Variants in CNTN6 observed in about 807,000 individuals in gnomAD.
CNTN6 encodes the protein contactin 6.
A neutral mutation model predicts 122.8 loss-of-function variants in CNTN6; 137 were observed. The ratio of observed to expected loss-of-function variants is 1.12; its 90% confidence interval spans 0.97 to 1.29. The LOEUF is 1.29. Ranked by LOEUF, CNTN6 falls within the 50% of genes most tolerant of loss-of-function variation. The pLI is 0.00. For synonymous variants in CNTN6, 570 were observed against 426.0 expected (o/e 1.34, Z -4.16); for missense variants, 1,634 against 1,223.4 (o/e 1.34, Z -5.01).
intron 7 of CNTN6, 78 bp from the exon 8 acceptor site, chr3:1,321,572 T>C (rs1354918039): frequency 4.7e-6 from 6 of 1,279,538 alleles, no homozygotes; most frequent in Non-Finnish European, 1.1e-6. Flanking sequence ...TGAGAGTTAT[T>C]TGTATGGATG....
At chr3:1,271,308 C>A (rs148254240) in intron 4 of CNTN6, among the ~76,000 whole-genome samples, 1 of 152,154 alleles carries the variant, frequency 6.6e-6, no homozygotes, top group Non-Finnish European at 1.5e-5. Flanking sequence ...ATGAAAGCAG[C>A]GGGACATTTT....
At chr3:1,360,265 A>G (rs192025998) in intron 12 of CNTN6, among the ~76,000 whole-genome samples, 1 of 152,078 alleles carries the variant, frequency 6.6e-6, no homozygotes, top group East Asian at 1.9e-4. Flanking sequence ...GTTGTTTGTG[A>G]CACCTTTTCC....
At chr3:1,114,822 A>G (rs1333658775) in intron 1 of CNTN6, among the ~76,000 whole-genome samples, 2 of 152,192 alleles carry the variant, frequency 1.3e-5, no homozygotes, top group African/African-American at 2.4e-5. Flanking sequence ...TCAATGAAAC[A>G]TAGGAGAAAA....
At chr3:1,341,134 A>G (rs990296454) in intron 11 of CNTN6, among the ~76,000 whole-genome samples, 1 of 150,514 alleles carries the variant, frequency 6.6e-6, no homozygotes, top group African/African-American at 2.4e-5. Flanking sequence ...TCTCTCCTCT[A>G]TTGTATTTTC....
chr3:1,252,232 C>G (rs1421469503), intron 4 of CNTN6, among the ~76,000 whole-genome samples: 1 of 152,134 alleles, frequency 6.6e-6, no homozygotes, highest in Non-Finnish European at 1.5e-5. Flanking sequence ...TTATCTCTTC[C>G]TACATCCAAC....
intron 20 of CNTN6, among the ~76,000 whole-genome samples, chr3:1,399,816 TG>T (rs1237865591): frequency 6.6e-6 from 1 of 152,112 alleles, no homozygotes; most frequent in African/African-American, 2.4e-5. Flanking sequence ...GTAAGGCACT[TG>T]CCCTCAAGAA....
chr3:1,290,750 A>T (rs1695188583), intron 5 of CNTN6, among the ~76,000 whole-genome samples: 1 of 152,150 alleles, frequency 6.6e-6, no homozygotes, highest in African/African-American at 2.4e-5. Context: ...CTGGTTTTAG[A>T]CCATATAGGG....
intron 1 of CNTN6, among the ~76,000 whole-genome samples, chr3:1,099,229 A>C (rs1173715228): frequency 6.6e-6 from 1 of 152,062 alleles, no homozygotes. Context: ...AGGCGGGCGG[A>C]TCACGAGGTC....
At chr3:1,168,522 T>A (rs1320161954) in intron 2 of CNTN6, among the ~76,000 whole-genome samples, 1 of 151,354 alleles carries the variant, frequency 6.6e-6, no homozygotes, top group African/African-American at 2.4e-5. Flanking sequence ...AAGCACTGAC[T>A]AAACAAGAGA....
intron 1 of CNTN6, among the ~76,000 whole-genome samples, chr3:1,107,695 T>C (rs943352007): frequency 2.0e-5 from 3 of 152,080 alleles, no homozygotes; most frequent in African/African-American, 4.8e-5. Context: ...CTCCTTTCAA[T>C]TGCCTTTCAG....
rs1468454194 is a variant in CNTN6 at position 1,170,373 on chromosome 3, C to T, written c.55+22310C>T. Among the ~76,000 whole-genome samples, 5 of 151,468 alleles carry T rather than the reference C, an allele frequency of 3.3e-5. No homozygotes were observed. The South Asian group carries it at 1.0e-3, about 31-fold the overall frequency. On this transcript the variant is annotated intron_variant, in intron 2 of 22. Coordinates refer to ENST00000446702, the MANE Select transcript of CNTN6 (RefSeq NM_001289080.2). ...AGTGTTATTCTCCCCAATATACAGA[C>T]CAAAATATGGGTAACGTAAGCTAAA...
chr3:1,160,359 T>TAC (rs2093099590), intron 2 of CNTN6, among the ~76,000 whole-genome samples: 1 of 143,106 alleles, frequency 7.0e-6, no homozygotes, highest in African/African-American at 2.6e-5. Flanking sequence ...TATATATATA[T>TAC]ATATATATAC....
chr3:1,292,638 G>A (rs1238794508), intron 5 of CNTN6, among the ~76,000 whole-genome samples: 4 of 152,090 alleles, frequency 2.6e-5, no homozygotes, highest in South Asian at 2.1e-4. Flanking sequence ...CCATTTGAAC[G>A]GTTCAGAGTA....
chr3:1,253,082 A>G (rs2094696654), intron 4 of CNTN6, among the ~76,000 whole-genome samples: 2 of 152,130 alleles, frequency 1.3e-5, no homozygotes, highest in African/African-American at 2.4e-5. Flanking sequence ...TACTTCAATC[A>G]TCCTCTTTTA....
At chr3:1,219,125 A>G (rs149843991) in intron 2 of CNTN6, among the ~76,000 whole-genome samples, 2,761 of 152,362 alleles carry the variant, frequency 0.018, 78 homozygotes, top group African/African-American at 0.063. Flanking sequence ...AAAAGTTTAA[A>G]TGTCCAGTGA....
At chr3:1,237,432 G>T (rs1205928649) in intron 4 of CNTN6, among the ~76,000 whole-genome samples, 1 of 152,096 alleles carries the variant, frequency 6.6e-6, no homozygotes, top group Non-Finnish European at 1.5e-5. Context: ...AATAATTGGT[G>T]TTCCCGAGGA....
intron 20 of CNTN6, among the ~76,000 whole-genome samples, chr3:1,386,647 ATAT>A (rs749051032): frequency 3.3e-5 from 5 of 152,142 alleles, no homozygotes; most frequent in East Asian, 3.9e-4. Flanking sequence ...TATTCCTTAT[ATAT>A]TATTAATGAA....
In CNTN6 at chr3:1,161,802, A is replaced by AC. The variant is rs1491154405; in HGVS notation, c.55+13739_55+13740insC. On this transcript the variant is annotated intron_variant, in intron 2 of 22. Coordinates refer to ENST00000446702, the MANE Select transcript of CNTN6 (RefSeq NM_001289080.2). Reference sequence around the variant, plus strand: ...CACACACACACACACACACACACACAAACATATATATGTTCTGTACATGTA... The same window carrying AC: ...CACACACACACACACACACACACACACAACATATATATGTTCTGTACATGTA... 3.8e-3 allele frequency among the ~76,000 whole-genome samples: 574 copies of AC among 151,128 alleles called. 2 individuals carry two copies. The highest frequency in any genetic ancestry group is 0.013 in the African/African-American group (537 of 41,010).
At chr3:1,258,674 C>A (rs1048524297) in intron 4 of CNTN6, among the ~76,000 whole-genome samples, 1 of 152,082 alleles carries the variant, frequency 6.6e-6, no homozygotes, top group Admixed American at 6.6e-5. Flanking sequence ...TTTTTCTCCT[C>A]GTGTCACCTT....
Sources: gnomAD v4.1 joint callset for allele counts (sites outside exome capture counted in the v4.1 genomes callset) on GRCh38, gnomAD v4.1.1 for gene constraint, MANE v1.5 for transcripts, NCBI Gene and HGNC (gene_info 2026-07-23, HGNC 2026-07-21) for gene names.